The following CYRIA variants were observed in gnomAD, a reference collection of about 807,000 sequenced individuals.
The protein encoded by CYRIA is CYFIP-related Rac1 interactor A.
In CYRIA, 15 loss-of-function variants were observed where a neutral mutation model predicts 43.9. The observed-to-expected ratio is 0.34, with a 90% confidence interval of 0.23 to 0.53. The LOEUF (loss-of-function observed/expected upper bound fraction) is 0.53. Ranked by LOEUF, CYRIA falls within the 20% of genes least tolerant of loss-of-function variation. CYRIA has a pLI of 0.94. For missense variants in CYRIA, 236 were observed against 394.2 expected (o/e 0.60, Z 3.40); for synonymous variants, 117 against 136.0 (o/e 0.86, Z 0.97).
chr2:16,615,957 C>T (rs1328224804), intron 2 of CYRIA, among the ~76,000 whole-genome samples: 1 of 152,232 alleles, frequency 6.6e-6, no homozygotes, highest in East Asian at 1.9e-4. Context: ...ACCATCTTCA[C>T]TCCATTCTTC....
intron 10 of CYRIA, among the ~76,000 whole-genome samples, chr2:16,556,576 A>C (rs1391071116): frequency 1.3e-5 from 2 of 152,156 alleles, no homozygotes; most frequent in Non-Finnish European, 2.9e-5. Flanking sequence ...GCTGTCAAGG[A>C]TGCAGTTGGG....
At chr2:16,637,806 C>T (rs4832668) in intron 1 of CYRIA, among the ~76,000 whole-genome samples, 33,719 of 152,094 alleles carry the variant, frequency 0.22, 6,505 homozygotes, top group East Asian at 0.61. Context: ...GCATCTACCA[C>T]TCTCATTTTA....
At chr2:16,569,465 T>C (rs1667053327) in intron 3 of CYRIA, among the ~76,000 whole-genome samples, 1 of 152,218 alleles carries the variant, frequency 6.6e-6, no homozygotes, top group Non-Finnish European at 1.5e-5. Flanking sequence ...ATTTTGTTGG[T>C]TTTATTGGAT....
At chr2:16,587,618 A>G (rs1029308964) in intron 3 of CYRIA, among the ~76,000 whole-genome samples, 1 of 152,144 alleles carries the variant, frequency 6.6e-6, no homozygotes, top group Non-Finnish European at 1.5e-5. Flanking sequence ...CTCAAATCTC[A>G]TCTTGAATTG....
At chr2:16,565,856 A>C in intron 3 of CYRIA, 89 bp from the exon 4 acceptor site, 13 of 1,236,892 alleles carry the variant, frequency 1.1e-5, no homozygotes, top group Non-Finnish European at 1.4e-5. Context: ...CTGCTTGACA[A>C]TCCTATCATA....
intron 3 of CYRIA, among the ~76,000 whole-genome samples, chr2:16,574,935 C>T (rs1167793143): frequency 1.3e-5 from 2 of 152,202 alleles, no homozygotes; most frequent in African/African-American, 4.8e-5. Context: ...CACCATCCTC[C>T]AGACCCCAGA....
At chr2:16,637,469 A>G (rs769691674) in intron 1 of CYRIA, among the ~76,000 whole-genome samples, 4 of 152,188 alleles carry the variant, frequency 2.6e-5, no homozygotes, top group African/African-American at 4.8e-5. Flanking sequence ...GCCATCTGCA[A>G]GCCAGGAAGC....
chr2:16,608,268 A>T (rs1034144122), intron 2 of CYRIA, among the ~76,000 whole-genome samples: 1 of 152,178 alleles, frequency 6.6e-6, no homozygotes, highest in East Asian at 1.9e-4. Flanking sequence ...AAAAATAAGC[A>T]TTTCCCCAAA....
At chr2:16,641,480 T>G (rs1365800231) in intron 1 of CYRIA, among the ~76,000 whole-genome samples, 2 of 152,228 alleles carry the variant, frequency 1.3e-5, no homozygotes, top group Non-Finnish European at 2.9e-5. Context: ...ACTTCAGCCA[T>G]GGACTCAACC....
intron 1 of CYRIA, among the ~76,000 whole-genome samples, chr2:16,665,197 A>G (rs1670357714): frequency 6.6e-6 from 1 of 152,112 alleles, no homozygotes; most frequent in Non-Finnish European, 1.5e-5. Flanking sequence ...AGTATTGGAA[A>G]AGTGCCTTTT....
intron 2 of CYRIA, among the ~76,000 whole-genome samples, chr2:16,593,280 T>C (rs1011452031): frequency 2.0e-5 from 3 of 152,214 alleles, no homozygotes; most frequent in Non-Finnish European, 2.9e-5. Context: ...CCTTTATGTA[T>C]ATCTTTTCCA....
At chr2:16,555,477 A>C (rs1374829427) in intron 10 of CYRIA, among the ~76,000 whole-genome samples, 1 of 152,034 alleles carries the variant, frequency 6.6e-6, no homozygotes, top group African/African-American at 2.4e-5. Context: ...CTCAGTTTCC[A>C]TGTCTATGTC....
At chr2:16,647,665 T>C (rs1282308594) in intron 1 of CYRIA, among the ~76,000 whole-genome samples, 1 of 152,158 alleles carries the variant, frequency 6.6e-6, no homozygotes, top group East Asian at 1.9e-4. Context: ...TTGCTTTTCT[T>C]TGAATTAGCA....
chr2:16,572,277 A>T (rs1250162780), intron 3 of CYRIA, among the ~76,000 whole-genome samples: 1 of 152,232 alleles, frequency 6.6e-6, no homozygotes, highest in Non-Finnish European at 1.5e-5. Context: ...GGTCATAATG[A>T]AGATGATGGA....
At chr2:16,553,083 T>C (rs763794463) in intron 11 of CYRIA, 84 bp from the exon 12 acceptor site, 4 of 857,744 alleles carry the variant, frequency 4.7e-6, no homozygotes, top group Non-Finnish European at 6.1e-6. Flanking sequence ...GGAAACACAA[T>C]TGATATTTGG....
Position 16,555,077 on chromosome 2 carries a change from A to G in CYRIA, c.900T>C (p.Asn300=), listed in dbSNP as rs954150166. The G allele has an allele frequency of 1.6e-5, 26 of 1,613,170 alleles. No individual in the cohort carries two copies. The highest frequency in any genetic ancestry group is 2.2e-5 in the Non-Finnish European group (26 of 1,179,510). Residue 300 remains asparagine, a synonymous_variant, in exon 11 of 12, where the codon AAT becomes AAC. Transcript: ENST00000381323. Reference sequence around the variant, plus strand: ...ACAGGGTTGAAGCTCACCTGAGGGCATTTAGCAGCCCCTCCACACTGTCTG... The same window carrying G: ...ACAGGGTTGAAGCTCACCTGAGGGCGTTTAGCAGCCCCTCCACACTGTCTG... The part of the protein sequence containing the change: ...QAPDSVEGLL[N]ALRFTTKHLN...
At chr2:16,601,268 T>A (rs1668195869) in intron 2 of CYRIA, among the ~76,000 whole-genome samples, 1 of 152,066 alleles carries the variant, frequency 6.6e-6, no homozygotes, top group South Asian at 2.1e-4. Flanking sequence ...ACGTGAAGAA[T>A]ACTGGGAATC....
chr2:16,562,086 G>A lies in CYRIA; in HGVS notation c.354C>T (p.Thr118=), dbSNP rs1355450214. ...GGGCCTGTTCCCTTTCCAGGTGTTG[G>A]GTTGGTGTGTAGGGTGGACAAGTCA... is the stretch of plus-strand genomic sequence containing the variant. ...ESLTCPPYTP[T]QHLEREQALA... Residue 118 remains threonine (T), a synonymous_variant, in exon 6 of 12, where the codon ACC becomes ACT. Transcript: ENST00000381323. 1.2e-6 allele frequency: 2 copies of A among 1,613,408 alleles called. No individual in the cohort carries two copies. Among genetic ancestry groups the A allele is most frequent in the Non-Finnish European group, 1.7e-6 (2 of 1,179,604 alleles).
chr2:16,662,869 A>T (rs1670296670), intron 1 of CYRIA, among the ~76,000 whole-genome samples: 1 of 152,222 alleles, frequency 6.6e-6, no homozygotes. Context: ...CCACCTGTCT[A>T]ACTGTATTAT....
Sources: allele counts gnomAD v4.1 joint callset (sites outside exome capture counted in the v4.1 genomes callset), GRCh38; gene constraint gnomAD v4.1.1; transcripts MANE v1.5; gene names NCBI Gene and HGNC (gene_info 2026-07-23, HGNC 2026-07-21).